MTG1: variants seen among roughly 807,000 people sequenced by gnomAD.
MTG1 encodes the protein mitochondrial ribosome associated GTPase 1.
A neutral mutation model predicts 39.5 loss-of-function variants in MTG1; 30 were observed. That is an observed-to-expected ratio of 0.76 (90% CI 0.57 to 1.03). The LOEUF (loss-of-function observed/expected upper bound fraction) is 1.03. MTG1 is among the 50% of genes least tolerant of loss of function. The pLI is 0.00. For missense variants in MTG1, 513 were observed against 447.4 expected (o/e 1.15, Z -1.32); for synonymous variants, 217 against 179.0 (o/e 1.21, Z -1.69).
In MTG1 at chr10:133,402,024, TG is replaced by T; in HGVS notation, c.574-121del. The stretch of plus-strand genomic sequence containing the variant: ...GAGCTTGGTGAGAGTGACGCTGCCA[TG>T]GGGTTGGGTCCCTGAGGCCTTCCTC... On this transcript the variant is annotated intron_variant, in intron 7 of 10. Transcript: ENST00000317502. The surrounding 1 kb of genome is among the most constrained non-coding windows in gnomAD (Gnocchi z 4.7). 1 of 1,023,148 alleles carries T rather than the reference TG, an allele frequency of 9.8e-7. No homozygotes were observed. Among genetic ancestry groups the T allele is most frequent in the Non-Finnish European group, 1.5e-6 (1 of 671,708 alleles). 63.4% of individuals were successfully genotyped at this position (1,023,148 alleles called of 1,614,324 possible). A position where few individuals can be genotyped will look rare whatever the true frequency, so the allele number is the denominator to read the frequency against.
chr10:133,395,869 G>A (rs556619635), intron 2 of MTG1, 92 bp downstream of exon 2: 8 of 1,326,756 alleles, frequency 6.0e-6, no homozygotes, highest in African/African-American at 5.8e-5. Flanking sequence ...TATGAATTGC[G>A]AGGCCCCTTT....
intron 6 of MTG1, among the ~76,000 whole-genome samples, chr10:133,401,203 G>A (rs1215870487): frequency 1.3e-5 from 2 of 152,190 alleles, no homozygotes; most frequent in South Asian, 2.1e-4. Context: ...GTCTGACAGT[G>A]CCTTTCCAGT....
At chr10:133,419,428 C>T (rs1055746498) in intron 9 of MTG1, 52 bp from the exon 10 acceptor site, 132 of 1,487,330 alleles carry the variant, frequency 8.9e-5, no homozygotes, top group Non-Finnish European at 1.1e-4. Context: ...CCTGGCTGGC[C>T]GCGCGGTGTC....
intron 9 of MTG1, among the ~76,000 whole-genome samples, chr10:133,418,123 C>A (rs1015350204): frequency 3.9e-5 from 6 of 152,220 alleles, no homozygotes; most frequent in African/African-American, 1.4e-4. Context: ...CCCGCCTTAG[C>A]CTCCCAAGTA....
chr10:133,413,706 T>A (rs1401468233), intron 9 of MTG1, among the ~76,000 whole-genome samples: 1 of 152,228 alleles, frequency 6.6e-6, no homozygotes, highest in Admixed American at 6.5e-5. Flanking sequence ...GTGATGACCT[T>A]ACAATAATGC....
rs544029148 is a variant in MTG1 at position 133,402,916 on chromosome 10, A to G, written c.752+143A>G. On this transcript the variant is annotated intron_variant, in intron 9 of 10. Coordinates refer to ENST00000317502, the MANE Select transcript of MTG1 (RefSeq NM_138384.4). This position sits in a 1 kb window ranked among gnomAD's most constrained non-coding sequence, Gnocchi z 4.7. Reference sequence around the variant, plus strand: ...CACATCGTTTAAAGCGTCCAGTTGGACAAGTTCGGGAGTATGGCTATACGT... The same window carrying G: ...CACATCGTTTAAAGCGTCCAGTTGGGCAAGTTCGGGAGTATGGCTATACGT... 1.5e-5 allele frequency: 10 copies of G among 648,798 alleles called. No individual in the cohort carries two copies. In the East Asian group the frequency reaches 2.7e-4, roughly 18 times the overall value. The allele number at this position is 648,798 out of a possible 1,614,324, so 40.2% of individuals were successfully genotyped here. A position where few individuals can be genotyped will look rare whatever the true frequency, so the allele number is the denominator to read the frequency against.
intron 9 of MTG1, among the ~76,000 whole-genome samples, chr10:133,409,299 T>C (rs1334168819): frequency 6.6e-6 from 1 of 152,262 alleles, no homozygotes; most frequent in Non-Finnish European, 1.5e-5. Flanking sequence ...ATTAACCCAT[T>C]GATCATTCAG....
At position 133,402,206 on chromosome 10, in the gene MTG1, A is replaced by G. The variant is rs1383878976; in HGVS notation, c.631A>G (p.Ile211Val). The G allele has an allele frequency of 6.3e-7, 1 of 1,598,438 alleles. No homozygotes were observed. Among genetic ancestry groups the G allele is most frequent in the Non-Finnish European group, 8.5e-7 (1 of 1,170,238 alleles). Reference protein sequence around the residue: ...LDTPGVLAPRIESVETGLKLA... With the variant: ...LDTPGVLAPRVESVETGLKLA... Reference sequence around the variant, plus strand: ...CACTCCTGGCGTGCTGGCTCCTCGGATTGAAAGTGTGGAGACAGGCCTGAA... The same window carrying G: ...CACTCCTGGCGTGCTGGCTCCTCGGGTTGAAAGTGTGGAGACAGGCCTGAA... The change falls in exon 8 of 11, where the codon ATT (isoleucine) becomes GTT (valine). Residue 211 changes from isoleucine (I) to valine (V), a missense_variant. Coordinates refer to ENST00000317502, the MANE Select transcript of MTG1 (RefSeq NM_138384.4). This position sits in a 1 kb window ranked among gnomAD's most constrained non-coding sequence, Gnocchi z 4.7.
At position 133,402,823 on chromosome 10, in the gene MTG1, C is replaced by G; in HGVS notation, c.752+50C>G. On this transcript the variant is annotated intron_variant, in intron 9 of 10. Coordinates refer to ENST00000317502, the MANE Select transcript of MTG1 (RefSeq NM_138384.4). This position sits in a 1 kb window ranked among gnomAD's most constrained non-coding sequence, Gnocchi z 4.7. ...CTGGGGCCCCTCCTCCTAGTCACCT[C>G]ATTTAAAAAAAAAAAACAAACAAAA... The G allele has an allele frequency of 8.2e-7, 1 of 1,212,170 alleles. No individual in the cohort carries two copies. The allele number at this position is 1,212,170 out of a possible 1,614,324, so 75.1% of individuals were successfully genotyped here.
At position 133,394,258 on chromosome 10, in the gene MTG1, A is replaced by T. The variant is rs772491345; in HGVS notation, c.38A>T (p.Gln13Leu). Reference protein sequence around the residue: ...LTPRALCSAAQAAWRENFPLC... With the variant: ...LTPRALCSAALAAWRENFPLC... ...CCGCGCGCGCTGTGCAGCGCCGCCCAGGCCGCCTGGCGGGAGAACTTCCCC... is the reference window on the plus strand; with the variant it reads ...CCGCGCGCGCTGTGCAGCGCCGCCCTGGCCGCCTGGCGGGAGAACTTCCCC... Residue 13 changes from glutamine (Q) to leucine (L), a missense_variant, in exon 1 of 11, where the codon CAG (glutamine) becomes CTG (leucine). By Grantham distance (113) the Gln-to-Leu change is moderately radical. Transcript: ENST00000317502. The T allele has an allele frequency of 5.9e-6, 9 of 1,517,312 alleles. No individual in the cohort carries two copies. Among genetic ancestry groups the T allele is most frequent in the Non-Finnish European group, 7.0e-6 (8 of 1,137,310 alleles). The allele number at this position is 1,517,312 out of a possible 1,614,324, so 94.0% of individuals were successfully genotyped here.
At position 133,402,335 on chromosome 10, in the gene MTG1, C is replaced by A; in HGVS notation, c.670+90C>A. ...CTGGCTTTGGCACAGGGCCCCTAGA[C>A]GGGAGTTGTTACTGCCTTTGACCTG... is the stretch of plus-strand genomic sequence containing the variant. On this transcript the variant is annotated intron_variant, in intron 8 of 10. Coordinates refer to ENST00000317502, the MANE Select transcript of MTG1 (RefSeq NM_138384.4). The surrounding 1 kb of genome is among the most constrained non-coding windows in gnomAD (Gnocchi z 4.7). The A allele has an allele frequency of 6.7e-7, 1 of 1,489,292 alleles. No homozygotes were observed. Among genetic ancestry groups the A allele is most frequent in the Non-Finnish European group, 9.3e-7 (1 of 1,075,422 alleles). 92.3% of individuals were successfully genotyped at this position (1,489,292 alleles called of 1,614,324 possible). A position where few individuals can be genotyped will look rare whatever the true frequency, so the allele number is the denominator to read the frequency against.
At chr10:133,401,414 T>C in intron 6 of MTG1, 115 bp from the exon 7 acceptor site, 1 of 847,596 alleles carries the variant, frequency 1.2e-6, no homozygotes, top group Non-Finnish European at 1.8e-6. Flanking sequence ...TTGTGTTTGT[T>C]ACATAGTCTC....
chr10:133,414,424 T>A (rs1850091370), intron 9 of MTG1, among the ~76,000 whole-genome samples: 1 of 152,260 alleles, frequency 6.6e-6, no homozygotes, highest in African/African-American at 2.4e-5. Flanking sequence ...CTCAATGAGC[T>A]GTTGGGTACA....
chr10:133,402,075 C>T lies in MTG1; in HGVS notation c.574-74C>T. 1 of 1,587,000 alleles carries T rather than the reference C, an allele frequency of 6.3e-7. No individual in the cohort carries two copies. Among genetic ancestry groups the T allele is most frequent in the Non-Finnish European group, 8.6e-7 (1 of 1,159,804 alleles). On this transcript the variant is annotated intron_variant, in intron 7 of 10. Coordinates refer to ENST00000317502, the MANE Select transcript of MTG1 (RefSeq NM_138384.4). The surrounding 1 kb of genome is among the most constrained non-coding windows in gnomAD (Gnocchi z 4.7). The stretch of plus-strand genomic sequence containing the variant: ...CGGAGCATTGGGTGCCAGGGGCTGC[C>T]CAGGCTTCCTGAGTGGCCCACCTGG...
chr10:133,420,891 G>A lies in MTG1; in HGVS notation c.*726G>A, dbSNP rs1850221584. 6.6e-6 allele frequency: 1 copy of A among 152,420 alleles called. No homozygotes were observed. Among genetic ancestry groups the A allele is most frequent in the African/African-American group, 2.4e-5 (1 of 41,488 alleles). 9.4% of individuals were successfully genotyped at this position (152,420 alleles called of 1,614,324 possible). ...CCTCTGAGCACCTTCTAGCTCACGG[G>A]TAGTGGGATTCTGCATTAGTGGGGC... On this transcript the variant is annotated 3_prime_UTR_variant, in exon 11 of 11. Coordinates refer to ENST00000317502, the MANE Select transcript of MTG1 (RefSeq NM_138384.4).
intron 3 of MTG1, among the ~76,000 whole-genome samples, chr10:133,396,651 G>A (rs1849787806): frequency 6.6e-6 from 1 of 152,160 alleles, no homozygotes; most frequent in Non-Finnish European, 1.5e-5. Context: ...ACTAGATATA[G>A]GTCATAGATA....
chr10:133,399,726 A>G, intron 6 of MTG1, 107 bp downstream of exon 6: 2 of 1,164,288 alleles, frequency 1.7e-6, no homozygotes, highest in Admixed American at 3.7e-5. Flanking sequence ...GAGCACTGCC[A>G]GTCTTCTGCT....
intron 9 of MTG1, among the ~76,000 whole-genome samples, chr10:133,403,484 G>C (rs1430758311): frequency 6.6e-6 from 1 of 152,262 alleles, no homozygotes; most frequent in Non-Finnish European, 1.5e-5. Flanking sequence ...TACTGTCCCT[G>C]TAGGTTGCTT....
At chr10:133,395,806 C>G (rs760266440) in intron 2 of MTG1, 29 bp downstream of exon 2, 1 of 1,610,226 alleles carries the variant, frequency 6.2e-7, no homozygotes. Context: ...GGGGAGGCCC[C>G]TCTGCCTGAA....
Sources: allele counts gnomAD v4.1 joint callset (sites outside exome capture counted in the v4.1 genomes callset), GRCh38; gene constraint gnomAD v4.1.1; non-coding constraint Gnocchi (gnomAD v3.1); transcripts MANE v1.5; gene names NCBI Gene and HGNC (gene_info 2026-07-23, HGNC 2026-07-21).